Variants in PPARG observed in about 807,000 individuals in gnomAD.
The protein encoded by PPARG is peroxisome proliferator-activated receptor gamma.
A neutral mutation model predicts 39.2 loss-of-function variants in PPARG; 17 were observed. The observed-to-expected ratio is 0.43, with a 90% CI of 0.30 to 0.65. PPARG has a LOEUF of 0.65. Among genes scored for constraint, PPARG ranks in the 30% least tolerant of loss-of-function variants. The pLI, the probability that PPARG is intolerant of heterozygous loss-of-function variation, is 0.13. For synonymous variants in PPARG, 223 were observed against 215.7 expected, an observed-to-expected ratio of 1.03 and a Z score of -0.30; for missense variants, 406 against 585.9, an observed-to-expected ratio of 0.69 and a Z score of 3.17.
chr3:12,407,144 A>T (rs2050700519), intron 6 of PPARG, among the ~76,000 whole-genome samples: 1 of 151,892 alleles, frequency 6.6e-6, no homozygotes, highest in Non-Finnish European at 1.5e-5. Context: ...ATGTCTCTGT[A>T]CCTCAGTTTG....
chr3:12,318,788 T>A (rs746726923), intron 2 of PPARG, among the ~76,000 whole-genome samples: 29 of 152,184 alleles, frequency 1.9e-4, no homozygotes, highest in Non-Finnish European at 3.4e-4. Flanking sequence ...ACATAGTAAG[T>A]GCTCAATAAT....
intron 2 of PPARG, among the ~76,000 whole-genome samples, chr3:12,353,477 C>G (rs1299114734): frequency 1.3e-5 from 2 of 152,198 alleles, no homozygotes; most frequent in Admixed American, 6.5e-5. Flanking sequence ...CCGAGGCCAG[C>G]AGAGTTGAAC....
rs116181578 is a variant in PPARG, at chr3:12,349,222, G to A, written c.-8-30482G>A. On this transcript the variant is annotated intron_variant, in intron 2 of 7. Coordinates refer to ENST00000651735, the MANE Select transcript of PPARG (RefSeq NM_138711.6). ...TAGGTCAGTACCTGGTGCTTAGTAG[G>A]TATTTGATGAATGATGGGATGAATA... 2.8e-3 allele frequency among the ~76,000 whole-genome samples: 426 copies of A among 152,218 alleles called. 2 individuals are homozygous for A. The highest frequency in any genetic ancestry group is 9.5e-3 in the African/African-American group (394 of 41,528).
chr3:12,397,732 A>G (rs745567896), intron 5 of PPARG, among the ~76,000 whole-genome samples: 1 of 151,232 alleles, frequency 6.6e-6, no homozygotes, highest in Non-Finnish European at 1.5e-5. Flanking sequence ...TTTTTTCTTT[A>G]GTCTTCTTGG....
chr3:12,368,188 T>C (rs2049083045), intron 2 of PPARG, among the ~76,000 whole-genome samples: 1 of 144,412 alleles, frequency 6.9e-6, no homozygotes, highest in South Asian at 2.2e-4. Context: ...TTTTTCTTTT[T>C]TGTTTTTTTT....
intron 2 of PPARG, among the ~76,000 whole-genome samples, chr3:12,323,834 T>C (rs1163958924): frequency 6.6e-6 from 1 of 151,544 alleles, no homozygotes; most frequent in Non-Finnish European, 1.5e-5. Flanking sequence ...AGCGTAGTGG[T>C]AGGAATATTT....
intron 2 of PPARG, among the ~76,000 whole-genome samples, chr3:12,362,693 CAGT>C (rs2048888592): frequency 6.6e-6 from 1 of 151,790 alleles, no homozygotes; most frequent in Non-Finnish European, 1.5e-5. Context: ...ATTTCCAGTA[CAGT>C]GGTGAGTAGA....
intron 5 of PPARG, among the ~76,000 whole-genome samples, chr3:12,393,108 C>T (rs546950505): frequency 2.8e-4 from 42 of 150,934 alleles, no homozygotes; most frequent in African/African-American, 1.0e-3. Context: ...TCAGTAGTGT[C>T]GTTCTGCTTT....
chr3:12,303,389 T>A (rs997218161), intron 1 of PPARG, among the ~76,000 whole-genome samples: 8 of 152,080 alleles, frequency 5.3e-5, no homozygotes, highest in African/African-American at 1.9e-4. Context: ...TTAGTAGAGA[T>A]GGGGTTTCGC....
intron 2 of PPARG, among the ~76,000 whole-genome samples, chr3:12,331,949 A>G (rs1046183798): frequency 1.3e-5 from 2 of 152,202 alleles, no homozygotes; most frequent in African/African-American, 2.4e-5. Context: ...AGATATTTCT[A>G]TGTAGTGTCA....
At chr3:12,337,984 A>G (rs2125062806) in intron 2 of PPARG, among the ~76,000 whole-genome samples, 1 of 152,240 alleles carries the variant, frequency 6.6e-6, no homozygotes, top group East Asian at 1.9e-4. Flanking sequence ...ACGTCCTGGA[A>G]CCAATCCTTC....
At chr3:12,412,660 A>C in intron 6 of PPARG, among the ~76,000 whole-genome samples, 1 of 152,206 alleles carries the variant, frequency 6.6e-6, no homozygotes, top group East Asian at 1.9e-4. Flanking sequence ...CCAGTGACAG[A>C]TTCACCATGA....
At chr3:12,325,083 T>G (rs1330703374) in intron 2 of PPARG, among the ~76,000 whole-genome samples, 1 of 151,002 alleles carries the variant, frequency 6.6e-6, no homozygotes, top group Non-Finnish European at 1.5e-5. Context: ...GCTCAGGAGG[T>G]CAAGACCAGC....
At chr3:12,354,411 G>C (rs2048588668) in intron 2 of PPARG, among the ~76,000 whole-genome samples, 2 of 151,966 alleles carry the variant, frequency 1.3e-5, no homozygotes, top group Admixed American at 1.3e-4. Flanking sequence ...CTTTAGCCTT[G>C]TAGCGTTAAT....
At chr3:12,412,188 C>A (rs2050899819) in intron 6 of PPARG, among the ~76,000 whole-genome samples, 1 of 152,106 alleles carries the variant, frequency 6.6e-6, no homozygotes, top group Non-Finnish European at 1.5e-5. Context: ...TTAGGGCATT[C>A]ATGTATAATA....
chr3:12,424,995 T>G (rs2051388245), intron 7 of PPARG, among the ~76,000 whole-genome samples: 2 of 152,244 alleles, frequency 1.3e-5, no homozygotes, highest in African/African-American at 4.8e-5. Context: ...CACTCAATCC[T>G]GCCAGTCACA....
At chr3:12,311,801 G>A (rs980133973) in intron 1 of PPARG, among the ~76,000 whole-genome samples, 12 of 152,130 alleles carry the variant, frequency 7.9e-5, no homozygotes, top group African/African-American at 2.7e-4. Flanking sequence ...CTGCTCTCTG[G>A]TTCGTCCTCT....
Position 12,426,810 on chromosome 3 carries a change from A to C in PPARG, c.1181-7088A>C, listed in dbSNP as rs2125308929. Among the ~76,000 whole-genome samples the C allele has an allele frequency of 1.3e-5, 2 of 152,312 alleles. 1 individual carries two copies. The highest frequency in any genetic ancestry group is 4.1e-4 in the South Asian group (2 of 4,832). The stretch of plus-strand genomic sequence containing the variant: ...TGAGTTAAATTACCGCTACAGCTCC[A>C]ATTGTTAAAGTGAGGAAACTGAAGT... On this transcript the variant is annotated intron_variant, in intron 7 of 7. Transcript: ENST00000651735.
At position 12,330,441 on chromosome 3, in the gene PPARG, G is replaced by A. The variant is rs1575002538; in HGVS notation, c.-9+17988G>A. On this transcript the variant is annotated intron_variant, in intron 2 of 7. Transcript: ENST00000651735. ...ATTGGTCATTTGTATGGGTTCTTTG[G>A]AGAAATGTGTATTCAAGACTTTTGT... Among the ~76,000 whole-genome samples the A allele has an allele frequency of 2.0e-5, 3 of 152,040 alleles. No individual in the cohort carries two copies. The East Asian group carries it at 5.8e-4, about 29-fold the overall frequency.
Sources: allele counts gnomAD v4.1 joint callset (sites outside exome capture counted in the v4.1 genomes callset), GRCh38; gene constraint gnomAD v4.1.1; transcripts MANE v1.5; gene names NCBI Gene and HGNC (gene_info 2026-07-23, HGNC 2026-07-21).